The following INPP4B variants were observed in gnomAD, a reference collection of about 807,000 sequenced individuals.
INPP4B encodes inositol polyphosphate-4-phosphatase type II B.
A neutral mutation model predicts 122.5 loss-of-function variants in INPP4B; 55 were observed. That is an observed-to-expected ratio of 0.45 (90% CI 0.36 to 0.56). The LOEUF is 0.56. INPP4B is among the 20% of genes least tolerant of loss of function. The pLI is 0.00. For missense variants in INPP4B, 1,000 were observed against 1,097.7 expected (o/e 0.91, Z 1.26); for synonymous variants, 403 against 388.7 (o/e 1.04, Z -0.43).
chr4:142,086,772 C>T (rs1334175603), intron 23 of INPP4B, among the ~76,000 whole-genome samples: 1 of 152,170 alleles, frequency 6.6e-6, no homozygotes, highest in African/African-American at 2.4e-5. Flanking sequence ...TTCTCTCATT[C>T]TCTATTCTGT....
chr4:142,275,213 C>G (rs570178825), intron 9 of INPP4B, among the ~76,000 whole-genome samples: 1 of 151,594 alleles, frequency 6.6e-6, no homozygotes, highest in African/African-American at 2.4e-5. Flanking sequence ...TTCAAAACTT[C>G]TTTCTCACCA....
chr4:142,562,701 T>C (rs1283026019), intron 2 of INPP4B, among the ~76,000 whole-genome samples: 1 of 151,342 alleles, frequency 6.6e-6, no homozygotes, highest in East Asian at 1.9e-4. Context: ...ATTTAGAATC[T>C]ATAAGAAAAA....
intron 2 of INPP4B, among the ~76,000 whole-genome samples, chr4:142,539,630 C>A (rs895187608): frequency 1.3e-5 from 2 of 152,014 alleles, no homozygotes; most frequent in Admixed American, 6.6e-5. Context: ...TGGTTCTCCA[C>A]GGAAGCCTGT....
intron 16 of INPP4B, among the ~76,000 whole-genome samples, chr4:142,163,474 C>T (rs910754003): frequency 6.6e-6 from 1 of 151,864 alleles, no homozygotes; most frequent in Admixed American, 6.6e-5. Flanking sequence ...CTCACTTTAT[C>T]TAATCACGTA....
intron 18 of INPP4B, among the ~76,000 whole-genome samples, chr4:142,135,633 G>A (rs1803689108): frequency 6.6e-6 from 1 of 152,104 alleles, no homozygotes; most frequent in South Asian, 2.1e-4. Context: ...CCTTGTCATT[G>A]CAAGCCTTGC....
At chr4:142,833,879 A>G (rs1027957873) in intron 1 of INPP4B, among the ~76,000 whole-genome samples, 19 of 152,156 alleles carry the variant, frequency 1.2e-4, no homozygotes, top group Non-Finnish European at 1.9e-4. Context: ...CCTCACCTCA[A>G]TAGCGCACCC....
chr4:142,363,203 T>C (rs1579850639), intron 7 of INPP4B, among the ~76,000 whole-genome samples: 3 of 152,026 alleles, frequency 2.0e-5, no homozygotes, highest in South Asian at 2.1e-4. Flanking sequence ...TATGTGTGCA[T>C]ACATGACAAG....
Position 142,208,884 on chromosome 4 carries a change from T to C in INPP4B, c.967+12A>G, listed in dbSNP as rs200868784. 3.9e-6 allele frequency: 6 copies of C among 1,526,354 alleles called. No individual in the cohort carries two copies. In the Middle Eastern group the frequency reaches 5.2e-4, roughly 133 times the overall value. The allele number at this position is 1,526,354 out of a possible 1,614,324, so 94.6% of individuals were successfully genotyped here. On this transcript the variant is annotated intron_variant, in intron 13 of 25. Transcript: ENST00000262992. Reference sequence around the variant, plus strand: ...AATTCACTTTGAGTAAGTAGAGAAATTGCTTCCACACCTGTTTCCTTGCTA... The same window carrying C: ...AATTCACTTTGAGTAAGTAGAGAAACTGCTTCCACACCTGTTTCCTTGCTA...
intron 7 of INPP4B, among the ~76,000 whole-genome samples, chr4:142,402,672 A>G (rs78819533): frequency 1.3e-5 from 2 of 152,338 alleles, no homozygotes; most frequent in Non-Finnish European, 2.9e-5. Flanking sequence ...ACTCTGCTGA[A>G]AACAACAACA....
chr4:142,499,159 A>G (rs1580218508), intron 2 of INPP4B, among the ~76,000 whole-genome samples: 2 of 152,298 alleles, frequency 1.3e-5, no homozygotes, highest in Middle Eastern at 3.4e-3. Flanking sequence ...TTGGATCTGC[A>G]AAGATAAAGA....
chr4:142,529,472 G>A (rs2162105), intron 2 of INPP4B, among the ~76,000 whole-genome samples: 22,713 of 151,868 alleles, frequency 0.15, 1,769 homozygotes, highest in South Asian at 0.2. Context: ...CTAGGGGCAT[G>A]TATCTAATCA....
At chr4:142,429,360 TAAA>T in intron 4 of INPP4B, 143 bp from the exon 5 acceptor site, 1 of 553,688 alleles carries the variant, frequency 1.8e-6, no homozygotes, top group Non-Finnish European at 3.2e-6. Flanking sequence ...ATCAGGGTTA[TAAA>T]TAATCAGTTC....
chr4:142,818,441 C>CGTGTGT (rs10656794), intron 1 of INPP4B, among the ~76,000 whole-genome samples: 27 of 149,334 alleles, frequency 1.8e-4, no homozygotes, highest in South Asian at 6.3e-4. Context: ...GCAATTTAAA[C>CGTGTGT]GTGTGTGTGT....
chr4:142,262,830 CCACT>C (rs1378979526), intron 10 of INPP4B, among the ~76,000 whole-genome samples: 3 of 152,126 alleles, frequency 2.0e-5, no homozygotes, highest in African/African-American at 7.2e-5. Flanking sequence ...TGGTCACTAG[CCACT>C]CAAAGACTCC....
intron 19 of INPP4B, 27 bp from the exon 20 acceptor site, chr4:142,123,442 A>C (rs1797402954): frequency 1.2e-6 from 2 of 1,603,290 alleles, no homozygotes; most frequent in Admixed American, 1.7e-5. Flanking sequence ...GATGAGATTT[A>C]CTGCAGTTAG....
At chr4:142,406,871 T>A (rs1159700507) in intron 5 of INPP4B, among the ~76,000 whole-genome samples, 1 of 152,196 alleles carries the variant, frequency 6.6e-6, no homozygotes, top group Admixed American at 6.5e-5. Context: ...CTTGGAAACA[T>A]GAAGTGCTCA....
rs201230840 is a variant in INPP4B, at chr4:142,025,082, TAAA to T, written c.*3697_*3699del. The stretch of plus-strand genomic sequence containing the variant: ...CTGCCTCCAATAATTTATTTCCTAA[TAAA>T]AAAAAAAGAATATGGCATTCATTGT... On this transcript the variant is annotated 3_prime_UTR_variant, in exon 26 of 26. Transcript: ENST00000262992. 1 of 148,106 alleles carries T rather than the reference TAAA, an allele frequency of 6.8e-6. No individual in the cohort carries two copies. The highest frequency in any genetic ancestry group is 1.5e-5 in the Non-Finnish European group (1 of 66,700). 9.2% of individuals were successfully genotyped at this position (148,106 alleles called of 1,614,324 possible).
intron 14 of INPP4B, among the ~76,000 whole-genome samples, chr4:142,206,883 T>A (rs559068820): frequency 1.3e-5 from 2 of 152,240 alleles, no homozygotes; most frequent in Non-Finnish European, 2.9e-5. Flanking sequence ...GACACTACAC[T>A]GTACAGTAGC....
At chr4:142,033,132 G>A (rs4245935) in intron 25 of INPP4B, among the ~76,000 whole-genome samples, 119,040 of 152,090 alleles carry the variant, frequency 0.78, 49,268 homozygotes, top group Non-Finnish European at 0.92. Flanking sequence ...GGGTCTCCAA[G>A]GAGGCTTTTA....
Sources: gnomAD v4.1 joint callset for allele counts (sites outside exome capture counted in the v4.1 genomes callset) on GRCh38, gnomAD v4.1.1 for gene constraint, MANE v1.5 for transcripts, NCBI Gene and HGNC (gene_info 2026-07-23, HGNC 2026-07-21) for gene names.